FSIP1: variants seen among roughly 807,000 people sequenced by gnomAD.
FSIP1 encodes the protein fibrous sheath interacting protein 1.
A neutral mutation model predicts 60.9 loss-of-function variants in FSIP1; 65 were observed. The observed-to-expected ratio is 1.07, with a 90% CI of 0.87 to 1.31. FSIP1 has a LOEUF of 1.31. Among genes scored for constraint, FSIP1 ranks in the 40% most tolerant of loss-of-function variants. The pLI, the probability that FSIP1 is intolerant of heterozygous loss-of-function variation, is 0.00. For synonymous variants in FSIP1, 209 were observed against 221.2 expected (o/e 0.94, Z 0.49); for missense variants, 675 against 665.5 (o/e 1.01, Z -0.16).
intron 8 of FSIP1, among the ~76,000 whole-genome samples, chr15:39,736,266 T>C (rs974467116): frequency 6.6e-6 from 1 of 152,144 alleles, no homozygotes; most frequent in Non-Finnish European, 1.5e-5. Flanking sequence ...CCCACCCCTT[T>C]CCCCTACTTC....
intron 5 of FSIP1, among the ~76,000 whole-genome samples, chr15:39,763,564 A>G (rs1338186612): frequency 6.6e-6 from 1 of 152,202 alleles, no homozygotes; most frequent in African/African-American, 2.4e-5. Context: ...GCAATGACAT[A>G]CTTTTGTCTA....
chr15:39,752,778 C>A (rs963306909), intron 5 of FSIP1, among the ~76,000 whole-genome samples: 4 of 151,906 alleles, frequency 2.6e-5, no homozygotes, highest in Non-Finnish European at 4.4e-5. Context: ...GTTAAGGAAA[C>A]CTGAATATAT....
intron 2 of FSIP1, among the ~76,000 whole-genome samples, chr15:39,775,320 A>G (rs1394543835): frequency 1.3e-5 from 2 of 152,144 alleles, no homozygotes; most frequent in East Asian, 1.9e-4. Flanking sequence ...TAAGAGTTCC[A>G]TAATGCAGAA....
chr15:39,704,006 A>G (rs1895165831), intron 10 of FSIP1, among the ~76,000 whole-genome samples: 1 of 152,226 alleles, frequency 6.6e-6, no homozygotes, highest in Non-Finnish European at 1.5e-5. Flanking sequence ...GTAGAAATAT[A>G]TAATTCTGAA....
At chr15:39,650,843 A>G (rs1892838686) in intron 10 of FSIP1, among the ~76,000 whole-genome samples, 1 of 152,244 alleles carries the variant, frequency 6.6e-6, no homozygotes, top group Admixed American at 6.5e-5. Context: ...TACTAATATA[A>G]TAATAGCTTG....
intron 9 of FSIP1, among the ~76,000 whole-genome samples, chr15:39,721,523 T>C (rs536471803): frequency 3.3e-5 from 5 of 152,372 alleles, no homozygotes; most frequent in Admixed American, 3.3e-4. Flanking sequence ...TCCTCTGGTA[T>C]CCTACAAGCT....
intron 8 of FSIP1, among the ~76,000 whole-genome samples, chr15:39,733,974 A>C (rs2140621300): frequency 6.6e-6 from 1 of 152,274 alleles, no homozygotes; most frequent in South Asian, 2.1e-4. Context: ...AAAGGAGAAA[A>C]AAGAGATGAT....
chr15:39,684,300 C>T (rs565483358), intron 10 of FSIP1, among the ~76,000 whole-genome samples: 3 of 152,170 alleles, frequency 2.0e-5, no homozygotes, highest in African/African-American at 4.8e-5. Flanking sequence ...TTAAAATAAA[C>T]CAAATATAAG....
At chr15:39,671,290 C>G (rs1186835063) in intron 10 of FSIP1, among the ~76,000 whole-genome samples, 5 of 151,854 alleles carry the variant, frequency 3.3e-5, no homozygotes, top group African/African-American at 1.2e-4. Flanking sequence ...TCCATCACTC[C>G]CAAACAATTT....
chr15:39,758,454 A>G (rs1897372008), intron 5 of FSIP1, among the ~76,000 whole-genome samples: 1 of 152,024 alleles, frequency 6.6e-6, no homozygotes, highest in African/African-American at 2.4e-5. Flanking sequence ...AACTATAGAC[A>G]TTGAGATACT....
At chr15:39,736,784 A>C (rs553125479) in intron 8 of FSIP1, among the ~76,000 whole-genome samples, 122 of 152,356 alleles carry the variant, frequency 8.0e-4, no homozygotes, top group African/African-American at 2.8e-3. Flanking sequence ...AAAACAGCCG[A>C]GGGCAAGGGC....
chr15:39,687,162 T>TTTTTTTTTTTTTTTTTTTTTTTC, intron 10 of FSIP1, among the ~76,000 whole-genome samples: 1 of 142,630 alleles, frequency 7.0e-6, no homozygotes, highest in African/African-American at 2.6e-5. Context: ...TTTTTTTTTT[T>TTTTTTTTTTTTTTTTTTTTTTTC]TTTGAGACAG....
intron 3 of FSIP1, among the ~76,000 whole-genome samples, chr15:39,767,441 C>T (rs1018994032): frequency 6.6e-6 from 1 of 152,196 alleles, no homozygotes; most frequent in Non-Finnish European, 1.5e-5. Context: ...AGGAAGGGGA[C>T]AGGGAAGTGC....
intron 10 of FSIP1, among the ~76,000 whole-genome samples, chr15:39,668,631 G>C (rs560054036): frequency 6.6e-6 from 1 of 152,274 alleles, no homozygotes; most frequent in Non-Finnish European, 1.5e-5. Flanking sequence ...TTTATTGCCA[G>C]ATCAGCTCCC....
chr15:39,628,717 G>C (rs7162070), intron 10 of FSIP1, among the ~76,000 whole-genome samples: 27,574 of 152,090 alleles, frequency 0.18, 3,049 homozygotes, highest in East Asian at 0.32. Flanking sequence ...AACAGCAGAA[G>C]TTAGCAGGGG....
At chr15:39,646,520 C>CAAAAAAAA (rs71132108) in intron 10 of FSIP1, among the ~76,000 whole-genome samples, 1,991 of 27,108 alleles carry the variant, frequency 0.073, 374 homozygotes, top group Middle Eastern at 0.18. Flanking sequence ...CTCATCTCTA[C>CAAAAAAAA]AAAAAAAAAA....
chr15:39,681,491 T>C (rs973310475), intron 10 of FSIP1, among the ~76,000 whole-genome samples: 14 of 152,162 alleles, frequency 9.2e-5, no homozygotes, highest in Admixed American at 7.2e-4. Flanking sequence ...TTTATGAGAA[T>C]GCAATTGTAA....
At chr15:39,712,626 A>G (rs1304959634) in intron 10 of FSIP1, among the ~76,000 whole-genome samples, 1 of 152,238 alleles carries the variant, frequency 6.6e-6, no homozygotes, top group Non-Finnish European at 1.5e-5. Flanking sequence ...GCAAGACCAC[A>G]ATCACAAGCT....
intron 10 of FSIP1, among the ~76,000 whole-genome samples, chr15:39,662,862 G>A (rs1023102731): frequency 6.6e-6 from 1 of 151,966 alleles, no homozygotes; most frequent in Non-Finnish European, 1.5e-5. Flanking sequence ...ATATATAAAC[G>A]AATATAATGT....
Sources: gnomAD v4.1 joint callset for allele counts (sites outside exome capture counted in the v4.1 genomes callset) on GRCh38, gnomAD v4.1.1 for gene constraint, MANE v1.5 for transcripts, NCBI Gene and HGNC (gene_info 2026-07-23, HGNC 2026-07-21) for gene names.